SMYD3: variants seen among roughly 807,000 people sequenced by gnomAD.
SMYD3 encodes the protein SET and MYND domain containing 3, also known as histone-lysine N-methyltransferase SMYD3.
In SMYD3, 36 loss-of-function variants were observed where a neutral mutation model predicts 57.7. The ratio of observed to expected loss-of-function variants is 0.62; its 90% CI spans 0.48 to 0.82. The LOEUF is 0.82. Among genes scored for constraint, SMYD3 ranks in the 40% least tolerant of loss-of-function variants. SMYD3 has a pLI of 0.00. For synonymous variants in SMYD3, 211 were observed against 195.0 expected (o/e 1.08, Z -0.68); for missense variants, 515 against 538.8 (o/e 0.96, Z 0.44).
chr1:246,040,794 T>C (rs569790113), intron 5 of SMYD3, among the ~76,000 whole-genome samples: 1 of 152,334 alleles, frequency 6.6e-6, no homozygotes, highest in East Asian at 1.9e-4. Flanking sequence ...ATGTCACTGA[T>C]TGTAACACAT....
chr1:246,072,849 C>T (rs1212832876), intron 5 of SMYD3, among the ~76,000 whole-genome samples: 2 of 152,186 alleles, frequency 1.3e-5, no homozygotes, highest in Non-Finnish European at 1.5e-5. Flanking sequence ...TCCAAGTACA[C>T]GCATTATCAC....
intron 5 of SMYD3, among the ~76,000 whole-genome samples, chr1:245,987,438 G>A (rs914567164): frequency 6.6e-6 from 1 of 151,938 alleles, no homozygotes; most frequent in African/African-American, 2.4e-5. Context: ...AAAAATTAGA[G>A]GTAAAAAAGA....
At chr1:245,946,065 C>T (rs954103576) in intron 5 of SMYD3, among the ~76,000 whole-genome samples, 2 of 152,134 alleles carry the variant, frequency 1.3e-5, no homozygotes, top group Non-Finnish European at 2.9e-5. Flanking sequence ...CACTATGGCA[C>T]ATGTTTACAT....
At chr1:246,131,664 C>T (rs2061590521) in intron 5 of SMYD3, among the ~76,000 whole-genome samples, 1 of 152,170 alleles carries the variant, frequency 6.6e-6, no homozygotes, top group Non-Finnish European at 1.5e-5. Context: ...AAATATTCCC[C>T]TCCTGACTAC....
At chr1:246,028,958 G>T (rs1407716430) in intron 5 of SMYD3, among the ~76,000 whole-genome samples, 1 of 152,160 alleles carries the variant, frequency 6.6e-6, no homozygotes, top group Non-Finnish European at 1.5e-5. Flanking sequence ...TGTAAAATGT[G>T]TCAAGAAAAC....
chr1:246,051,402 T>A (rs1345890556), intron 5 of SMYD3, among the ~76,000 whole-genome samples: 1 of 152,162 alleles, frequency 6.6e-6, no homozygotes, highest in Non-Finnish European at 1.5e-5. Context: ...ATTATAGACA[T>A]GAGCCACCTC....
chr1:246,260,147 C>G (rs1195985684), intron 5 of SMYD3, among the ~76,000 whole-genome samples: 1 of 152,186 alleles, frequency 6.6e-6, no homozygotes, highest in Non-Finnish European at 1.5e-5. Flanking sequence ...GCTACTGACC[C>G]AAGTAAGCTT....
intron 1 of SMYD3, among the ~76,000 whole-genome samples, chr1:246,356,206 A>T (rs2148707238): frequency 6.6e-6 from 1 of 152,290 alleles, no homozygotes; most frequent in East Asian, 1.9e-4. Flanking sequence ...CAATCACTGC[A>T]GTTTGGCTCT....
chr1:246,051,661 A>G lies in SMYD3; in HGVS notation c.532-121724T>C, dbSNP rs527446975. Among the ~76,000 whole-genome samples the G allele has an allele frequency of 6.6e-5, 10 of 152,268 alleles. No individual in the cohort carries two copies. The South Asian group carries it at 1.9e-3, about 28-fold the overall frequency. On this transcript the variant is annotated intron_variant, in intron 5 of 11. Coordinates refer to ENST00000490107, the MANE Select transcript of SMYD3 (RefSeq NM_001167740.2). ...AATTTCTTCTGCAGTACAAAAAAAA[A>G]AAAGAAAAATGTAATTTCATTTCTT...
intron 10 of SMYD3, among the ~76,000 whole-genome samples, chr1:245,803,913 A>ATTC (rs542710254): frequency 0.032 from 2,330 of 73,342 alleles, 60 homozygotes; most frequent in South Asian, 0.067. Flanking sequence ...GTAAGTCAGT[A>ATTC]TTTTTTTTTT....
intron 10 of SMYD3, among the ~76,000 whole-genome samples, chr1:245,775,026 T>C (rs1366615940): frequency 1.3e-5 from 2 of 152,014 alleles, no homozygotes; most frequent in South Asian, 2.1e-4. Flanking sequence ...CAGGCTGGAG[T>C]GCAGTGGCGT....
chr1:246,177,782 A>G (rs1022545473), intron 5 of SMYD3, among the ~76,000 whole-genome samples: 2 of 152,242 alleles, frequency 1.3e-5, no homozygotes, highest in African/African-American at 4.8e-5. Flanking sequence ...TGATTAGTAC[A>G]TAGAAAAGTT....
intron 8 of SMYD3, among the ~76,000 whole-genome samples, chr1:245,900,670 C>T (rs1462367324): frequency 6.6e-6 from 1 of 152,196 alleles, no homozygotes; most frequent in Non-Finnish European, 1.5e-5. Context: ...TCCTAATATA[C>T]TATTGCAGCC....
intron 5 of SMYD3, among the ~76,000 whole-genome samples, chr1:246,049,934 A>G (rs552615815): frequency 6.6e-6 from 1 of 152,208 alleles, no homozygotes; most frequent in African/African-American, 2.4e-5. Context: ...AAAATATACA[A>G]ATTTTTCAAT....
At chr1:246,312,721 T>C (rs1198914513) in intron 5 of SMYD3, among the ~76,000 whole-genome samples, 1 of 152,112 alleles carries the variant, frequency 6.6e-6, no homozygotes, top group African/African-American at 2.4e-5. Flanking sequence ...GGCAGGCAAG[T>C]AAAGCCATGG....
Position 246,434,793 on chromosome 1 carries a change from T to A in SMYD3, c.164+72261A>T, listed in dbSNP as rs149307733. Among the ~76,000 whole-genome samples the A allele has an allele frequency of 2.5e-3, 384 of 152,316 alleles. 2 individuals carry two copies. The highest frequency in any genetic ancestry group is 8.8e-3 in the African/African-American group (366 of 41,570). On this transcript the variant is annotated intron_variant, in intron 1 of 11. Transcript: ENST00000490107. ...CCATTTGACCCAGCAATGCCATTAG[T>A]AGGTATCTATCCAAAAGAAAAGAAA...
intron 5 of SMYD3, among the ~76,000 whole-genome samples, chr1:246,074,362 A>T (rs2060508424): frequency 6.8e-6 from 1 of 146,330 alleles, no homozygotes; most frequent in Non-Finnish European, 1.5e-5. Context: ...TGCCAAAAAA[A>T]ATTAAAAAAA....
At chr1:246,107,153 G>GGT (rs1180741110) in intron 5 of SMYD3, among the ~76,000 whole-genome samples, 3 of 148,324 alleles carry the variant, frequency 2.0e-5, no homozygotes, top group African/African-American at 5.0e-5. Context: ...CAGGCGTGGT[G>GGT]GCAGGCGCCT....
intron 5 of SMYD3, among the ~76,000 whole-genome samples, chr1:246,073,716 C>G (rs2060497046): frequency 6.6e-6 from 1 of 151,924 alleles, no homozygotes; most frequent in African/African-American, 2.4e-5. Flanking sequence ...GACTCTGTCT[C>G]AAAATAAATA....
Sources: allele counts gnomAD v4.1 joint callset (sites outside exome capture counted in the v4.1 genomes callset), GRCh38; gene constraint gnomAD v4.1.1; transcripts MANE v1.5; gene names NCBI Gene and HGNC (gene_info 2026-07-23, HGNC 2026-07-21).